DDX27: variants seen among roughly 807,000 people sequenced by gnomAD.
The protein encoded by DDX27 is probable ATP-dependent RNA helicase DDX27.
In DDX27, 42 loss-of-function variants were observed where a neutral mutation model predicts 99.3. The ratio of observed to expected loss-of-function variants is 0.42; its 90% CI spans 0.33 to 0.55. The LOEUF (loss-of-function observed/expected upper bound fraction) is 0.55. Ranked by LOEUF, DDX27 falls within the 20% of genes least tolerant of loss-of-function variation. DDX27 has a pLI of 0.07. For missense variants in DDX27, 798 were observed against 976.8 expected, an observed-to-expected ratio of 0.82 and a Z score of 2.44; for synonymous variants, 329 against 353.8, an observed-to-expected ratio of 0.93 and a Z score of 0.79.
intron 4 of DDX27, 128 bp downstream of exon 4, chr20:49,223,561 C>A: frequency 6.6e-6 from 5 of 758,206 alleles, no homozygotes; most frequent in South Asian, 2.8e-5. Flanking sequence ...CTACATTGAA[C>A]TCCTTTCTTT....
At position 49,242,181 on chromosome 20, in the gene DDX27, C is replaced by T. The variant is rs1462681268; in HGVS notation, c.2091C>T (p.Pro697=). ...GAGCCAAGCGGGCCCGAGCAATGCC[C>T]GAGGAGGAGCCAGTGAGAGGTCCTG... ...NRRAKRARAM[P]EEEPVRGPAK... The change falls in exon 18 of 21, where the codon CCC becomes CCT. Residue 697 remains proline, a synonymous_variant. Transcript: ENST00000618172. 6.2e-6 allele frequency: 10 copies of T among 1,613,966 alleles called. No individual in the cohort carries two copies. The highest frequency in any genetic ancestry group is 1.6e-4 in the Middle Eastern group (1 of 6,078).
chr20:49,236,765 G>A lies in DDX27; in HGVS notation c.1687+255G>A, dbSNP rs561013384. Among the ~76,000 whole-genome samples, 29 of 152,242 alleles carry A rather than the reference G, an allele frequency of 1.9e-4. No homozygotes were observed. Among genetic ancestry groups the A allele is most frequent in the African/African-American group, 6.3e-4 (26 of 41,538 alleles). ...GAAATTGAGAAGAGAAGGTTGCTTG[G>A]GGCAAAATTCTCACTAAACTCCTCT... is the stretch of plus-strand genomic sequence containing the variant. On this transcript the variant is annotated intron_variant, in intron 14 of 20. Coordinates refer to ENST00000618172, the MANE Select transcript of DDX27 (RefSeq NM_017895.8). This position sits in a 1 kb window ranked among gnomAD's most constrained non-coding sequence, Gnocchi z 4.1.
intron 10 of DDX27, 64 bp downstream of exon 10, chr20:49,233,469 C>A (rs1980195240): frequency 1.2e-6 from 2 of 1,603,284 alleles, no homozygotes; most frequent in South Asian, 2.2e-5. Flanking sequence ...TGCAGAGGAC[C>A]CTGGCTGGGC....
rs1315864503 is a variant in DDX27 at position 49,236,416 on chromosome 20, C to T, written c.1593C>T (p.Arg531=). 6.2e-7 allele frequency: 1 copy of T among 1,613,218 alleles called. No individual in the cohort carries two copies. Among genetic ancestry groups the T allele is most frequent in the Non-Finnish European group, 8.5e-7 (1 of 1,179,670 alleles). Residue 531 remains arginine (R), a synonymous_variant, in exon 14 of 21, where the codon CGC becomes CGT. Transcript: ENST00000618172. This position sits in a 1 kb window ranked among gnomAD's most constrained non-coding sequence, Gnocchi z 4.1. ...GRTARAGRAG[R]SVSLVGEDER... is the part of the protein sequence containing the mutation. ...CAGCACGTGCTGGCAGGGCTGGGCG[C>T]TCAGTCTCTCTGGTGGGAGAAGATG...
At position 49,227,017 on chromosome 20, in the gene DDX27, T is replaced by C. The variant is rs868030557; in HGVS notation, c.706+482T>C. Among the ~76,000 whole-genome samples, 41 of 149,568 alleles carry C rather than the reference T, an allele frequency of 2.7e-4. 1 individual carries two copies. Among genetic ancestry groups the C allele is most frequent in the Middle Eastern group, 6.8e-3 (2 of 294 alleles). The stretch of plus-strand genomic sequence containing the variant: ...AGCTGGGACTACAGGCGCCCGCCAC[T>C]ACGCCCGGCTAATTTTTTGTATTTT... On this transcript the variant is annotated intron_variant, in intron 7 of 20. Transcript: ENST00000618172.
intron 16 of DDX27, 21 bp from the exon 17 acceptor site, chr20:49,241,872 T>A (rs1217672514): frequency 1.2e-6 from 2 of 1,611,494 alleles, no homozygotes; most frequent in South Asian, 2.2e-5. Context: ...CCTGAAATCT[T>A]ATGCTTTCTT....
rs767199734 is a variant in DDX27 at position 49,243,727 on chromosome 20, G to T, written c.2279+24G>T. The T allele has an allele frequency of 6.8e-6, 11 of 1,613,810 alleles. No homozygotes were observed. In the Admixed American group the frequency reaches 1.2e-4, roughly 17 times the overall value. On this transcript the variant is annotated intron_variant, in intron 20 of 20. Transcript: ENST00000618172. ...AGGTGATACTGGCTGTTTTGGAGGG[G>T]CATAGGTTTTGGGATTAGAGATAAA...
At chr20:49,224,111 G>T (rs997051670) in intron 4 of DDX27, among the ~76,000 whole-genome samples, 2 of 151,722 alleles carry the variant, frequency 1.3e-5, no homozygotes, top group Non-Finnish European at 2.9e-5. Context: ...TTCTAGGCTC[G>T]AGCAGTCCTC....
At position 49,219,519 on chromosome 20, in the gene DDX27, A is replaced by T. The variant is rs755804229; in HGVS notation, c.71A>T (p.Asp24Val). The change falls in exon 1 of 21, where the codon GAC (aspartate) becomes GTC (valine). Residue 24 changes from aspartate (D) to valine (V), a missense_variant. This residue lies in a region of DDX27 where 245 missense variants were observed against 248.8 expected (regional missense o/e 0.98). Transcript: ENST00000618172. ...GAGGTGCCGGTGGAGCCCGAGTCTG[A>T]CTCCGGGGACGAGGAAGAGGAGGTA... is the stretch of plus-strand genomic sequence containing the variant. ...DDEVPVEPES[D>V]SGDEEEEGPI... 2 of 1,613,292 alleles carry T rather than the reference A, an allele frequency of 1.2e-6. No homozygotes were observed. Among genetic ancestry groups the T allele is most frequent in the South Asian group, 2.2e-5 (2 of 91,020 alleles).
intron 19 of DDX27, 54 bp downstream of exon 19, chr20:49,242,735 T>C: frequency 7.8e-6 from 4 of 511,054 alleles, no homozygotes; most frequent in Non-Finnish European, 1.3e-5. Flanking sequence ...TTTTTTTTTT[T>C]TTTTTGAGAC....
chr20:49,234,265 T>G (rs1405637366), intron 11 of DDX27: 1 of 149,580 alleles, frequency 6.7e-6, no homozygotes, highest in Non-Finnish European at 1.5e-5. Context: ...TGCTTGCACT[T>G]TTTTTTTTTT....
chr20:49,219,610 G>A, intron 1 of DDX27, 69 bp downstream of exon 1: 1 of 1,478,030 alleles, frequency 6.8e-7, no homozygotes. Flanking sequence ...TCAGGTCCCT[G>A]TCCCCGAATC....
rs1333812281 is a variant in DDX27, at chr20:49,219,444, A to G, written c.-5A>G. ...CTCGCTTCCGGAAGTGGCTTCTGCG[A>G]CAACATGCTTGCGGACCTCGGCTTA... On this transcript the variant is annotated 5_prime_UTR_variant, in exon 1 of 21. Coordinates refer to ENST00000618172, the MANE Select transcript of DDX27 (RefSeq NM_017895.8). The G allele has an allele frequency of 3.7e-6, 6 of 1,614,022 alleles. No individual in the cohort carries two copies. Among genetic ancestry groups the G allele is most frequent in the Non-Finnish European group, 4.2e-6 (5 of 1,180,036 alleles).
chr20:49,224,204 C>G (rs765578248), intron 4 of DDX27, among the ~76,000 whole-genome samples: 3 of 152,008 alleles, frequency 2.0e-5, no homozygotes, highest in Non-Finnish European at 4.4e-5. Flanking sequence ...TTTCTTTTCT[C>G]TTGGGATTTT....
intron 1 of DDX27, among the ~76,000 whole-genome samples, chr20:49,219,827 C>G (rs574476435): frequency 2.0e-5 from 3 of 151,994 alleles, no homozygotes; most frequent in Non-Finnish European, 4.4e-5. Context: ...AGGTTTCTTA[C>G]ACCTTGTAAG....
At chr20:49,238,702 A>C in intron 14 of DDX27, 1 of 481,406 alleles carries the variant, frequency 2.1e-6, no homozygotes, top group South Asian at 2.5e-5. Flanking sequence ...TCCTGACCTC[A>C]GGTGATCCAC....
Position 49,228,626 on chromosome 20 carries a change from A to C in DDX27, c.707-89A>C. On this transcript the variant is annotated intron_variant, in intron 7 of 20. Coordinates refer to ENST00000618172, the MANE Select transcript of DDX27 (RefSeq NM_017895.8). The stretch of plus-strand genomic sequence containing the variant: ...ATAAGTTCCTTTATTTTCCCCAACC[A>C]GACGTAGTTTTTCTGTGCTCTGGTG... The C allele has an allele frequency of 3.2e-6, 4 of 1,235,888 alleles. No individual in the cohort carries two copies. The East Asian group carries it at 1.1e-4, about 33-fold the overall frequency. The allele number at this position is 1,235,888 out of a possible 1,614,324, so 76.6% of individuals were successfully genotyped here.
In DDX27 at chr20:49,240,248, A is replaced by G. The variant is rs6019705; in HGVS notation, c.1897+910A>G. On this transcript the variant is annotated intron_variant, in intron 16 of 20. Coordinates refer to ENST00000618172, the MANE Select transcript of DDX27 (RefSeq NM_017895.8). ...ATGGCAGCCTTTGTTTTATATGTGTATATATAACCACAATAAAAATAATTT... is the reference window on the plus strand; with the variant it reads ...ATGGCAGCCTTTGTTTTATATGTGTGTATATAACCACAATAAAAATAATTT... Among the ~76,000 whole-genome samples, 1,204 of 152,242 alleles carry G rather than the reference A, an allele frequency of 7.9e-3. 17 individuals are homozygous for G. The highest frequency in any genetic ancestry group is 0.028 in the African/African-American group (1,169 of 41,522).
chr20:49,230,655 T>C (rs1475139434), intron 9 of DDX27, among the ~76,000 whole-genome samples: 1 of 152,214 alleles, frequency 6.6e-6, no homozygotes, highest in Non-Finnish European at 1.5e-5. Flanking sequence ...AAATGGGAGA[T>C]AAGGACATAC....
Sources: allele counts gnomAD v4.1 joint callset (sites outside exome capture counted in the v4.1 genomes callset), GRCh38; gene constraint gnomAD v4.1.1; regional missense constraint gnomAD v4.1.1; non-coding constraint Gnocchi (gnomAD v3.1); transcripts MANE v1.5; gene names NCBI Gene and HGNC (gene_info 2026-07-23, HGNC 2026-07-21).